Variants in MIPOL1 observed in about 807,000 individuals in gnomAD.
The protein encoded by MIPOL1 is mirror-image polydactyly 1, also known as mirror-image polydactyly gene 1 protein.
A neutral mutation model predicts 60.9 loss-of-function variants in MIPOL1; 57 were observed. That is an observed-to-expected ratio of 0.94 (90% confidence interval 0.76 to 1.17). The LOEUF (loss-of-function observed/expected upper bound fraction) is 1.17, where lower values mean the gene tolerates loss of function less well. Among genes scored for constraint, MIPOL1 ranks in the 50% most tolerant of loss-of-function variants. MIPOL1 has a pLI of 0.00. For missense variants in MIPOL1, 551 were observed against 511.6 expected, an observed-to-expected ratio of 1.08 and a Z score of -0.74; for synonymous variants, 179 against 168.8, an observed-to-expected ratio of 1.06 and a Z score of -0.47.
chr14:37,444,754 T>C (rs897456520), intron 11 of MIPOL1, among the ~76,000 whole-genome samples: 1 of 152,180 alleles, frequency 6.6e-6, no homozygotes, highest in Admixed American at 6.5e-5. Context: ...ATCCCTGGGA[T>C]GCAAGGCTGG....
At chr14:37,370,957 A>C (rs1165907615) in intron 10 of MIPOL1, among the ~76,000 whole-genome samples, 1 of 152,146 alleles carries the variant, frequency 6.6e-6, no homozygotes, top group Non-Finnish European at 1.5e-5. Context: ...GCTTAATATG[A>C]TATGGCAGTC....
At chr14:37,200,897 TG>T (rs1965205599) in intron 1 of MIPOL1, among the ~76,000 whole-genome samples, 8 of 65,800 alleles carry the variant, frequency 1.2e-4, no homozygotes, top group African/African-American at 2.0e-4. Context: ...TGTGTGTGTG[TG>T]TATTTTTTTT....
chr14:37,223,282 C>T (rs962233439), intron 1 of MIPOL1, among the ~76,000 whole-genome samples: 7 of 152,138 alleles, frequency 4.6e-5, no homozygotes, highest in Non-Finnish European at 8.8e-5. Flanking sequence ...ATCCACCCAC[C>T]TCGGCCTCCC....
chr14:37,455,245 A>G (rs1175420521), intron 11 of MIPOL1, among the ~76,000 whole-genome samples: 2 of 152,180 alleles, frequency 1.3e-5, no homozygotes, highest in African/African-American at 2.4e-5. Context: ...TTTGTTGAAT[A>G]TGTTTTCTCT....
intron 11 of MIPOL1, among the ~76,000 whole-genome samples, chr14:37,442,988 G>A (rs1317790589): frequency 6.6e-6 from 1 of 151,940 alleles, no homozygotes; most frequent in Non-Finnish European, 1.5e-5. Context: ...AATTCATATG[G>A]AAATGAAAGA....
At chr14:37,246,768 G>C (rs986059895) in intron 1 of MIPOL1, among the ~76,000 whole-genome samples, 4 of 151,996 alleles carry the variant, frequency 2.6e-5, no homozygotes, top group African/African-American at 9.7e-5. Flanking sequence ...ACTTTTCTGA[G>C]TGCTAAAAGC....
chr14:37,355,694 C>T (rs1247377257), intron 9 of MIPOL1, among the ~76,000 whole-genome samples: 7 of 132,466 alleles, frequency 5.3e-5, no homozygotes, highest in African/African-American at 8.2e-5. Flanking sequence ...TCCAGTTGAT[C>T]GCATCGGCTC....
intron 11 of MIPOL1, among the ~76,000 whole-genome samples, chr14:37,428,384 A>T (rs1264675156): frequency 6.6e-6 from 1 of 152,166 alleles, no homozygotes; most frequent in Admixed American, 6.5e-5. Flanking sequence ...TGAGTCCAGG[A>T]GTTCAAGACC....
At chr14:37,337,358 T>TATATATA (rs2090238688) in intron 9 of MIPOL1, among the ~76,000 whole-genome samples, 1 of 41,986 alleles carries the variant, frequency 2.4e-5, no homozygotes, top group African/African-American at 1.5e-4. Context: ...ATATATATAT[T>TATATATA]TTTTTTTTTT....
chr14:37,237,282 C>G (rs1394276613), intron 1 of MIPOL1, among the ~76,000 whole-genome samples: 2 of 152,142 alleles, frequency 1.3e-5, no homozygotes, highest in Non-Finnish European at 2.9e-5. Context: ...AACAATTTGT[C>G]TATCAGATCT....
intron 7 of MIPOL1, among the ~76,000 whole-genome samples, chr14:37,294,023 C>G (rs1406290770): frequency 6.6e-6 from 1 of 152,198 alleles, no homozygotes; most frequent in Non-Finnish European, 1.5e-5. Context: ...CAAGTGGGTC[C>G]CTGACCCCCG....
At chr14:37,429,672 A>C (rs2094025529) in intron 11 of MIPOL1, among the ~76,000 whole-genome samples, 2 of 152,126 alleles carry the variant, frequency 1.3e-5, no homozygotes, top group Admixed American at 1.3e-4. Context: ...GCCAGATGAA[A>C]TATACACAAA....
chr14:37,305,963 A>G (rs2086754250), intron 7 of MIPOL1, among the ~76,000 whole-genome samples: 2 of 151,858 alleles, frequency 1.3e-5, no homozygotes, highest in African/African-American at 2.4e-5. Context: ...ACAAGTCAGT[A>G]TATATTATGT....
chr14:37,465,777 C>T (rs2094590820), intron 11 of MIPOL1, among the ~76,000 whole-genome samples: 1 of 152,088 alleles, frequency 6.6e-6, no homozygotes, highest in South Asian at 2.1e-4. Context: ...TACATTTAAA[C>T]TATTTCTCCT....
At chr14:37,203,162 A>G (rs900592587) in intron 1 of MIPOL1, among the ~76,000 whole-genome samples, 7 of 152,320 alleles carry the variant, frequency 4.6e-5, no homozygotes, top group Middle Eastern at 3.4e-3. Context: ...TTTTGAGACT[A>G]TCATAAAGAG....
chr14:37,297,154 C>T (rs1303811343), intron 7 of MIPOL1, among the ~76,000 whole-genome samples: 24 of 152,202 alleles, frequency 1.6e-4, no homozygotes, highest in East Asian at 7.7e-4. Flanking sequence ...GTTCAACATA[C>T]GCAAATCAAT....
intron 1 of MIPOL1, among the ~76,000 whole-genome samples, chr14:37,210,825 T>C (rs1198585488): frequency 1.3e-5 from 2 of 152,140 alleles, no homozygotes; most frequent in Non-Finnish European, 2.9e-5. Flanking sequence ...TACAGCTACA[T>C]TGTAGCAGAA....
intron 1 of MIPOL1, among the ~76,000 whole-genome samples, chr14:37,222,255 T>G (rs925905866): frequency 1.3e-5 from 2 of 151,692 alleles, no homozygotes; most frequent in African/African-American, 4.8e-5. Flanking sequence ...GGTCTCGCTC[T>G]GTCTCCCAGG....
At position 37,429,603 on chromosome 14, in the gene MIPOL1, A is replaced by G. The variant is rs146928828; in HGVS notation, c.1031+6654A>G. 1.6e-4 allele frequency among the ~76,000 whole-genome samples: 25 copies of G among 152,248 alleles called. No individual in the cohort carries two copies. In the East Asian group the frequency reaches 4.4e-3, roughly 27 times the overall value. On this transcript the variant is annotated intron_variant, in intron 11 of 12. Transcript: ENST00000684589. ...ATAGTGAAAAGTGGAATAAACATTA[A>G]CCCTACTTACTGGGTTTGTAGTATA...
Sources: allele counts gnomAD v4.1 joint callset (sites outside exome capture counted in the v4.1 genomes callset), GRCh38; gene constraint gnomAD v4.1.1; transcripts MANE v1.5; gene names NCBI Gene and HGNC (gene_info 2026-07-23, HGNC 2026-07-21).